The following NUPR1 variants were observed in gnomAD, a reference collection of about 807,000 sequenced individuals.
NUPR1 encodes the protein nuclear protein 1.
NUPR1 carries 8 observed loss-of-function variants against 7.3 expected under a neutral mutation model. The ratio of observed to expected loss-of-function variants is 1.09; its 90% CI spans 0.64 to 1.97. The LOEUF (loss-of-function observed/expected upper bound fraction) is 1.97. Ranked by LOEUF, NUPR1 falls within the 30% of genes most tolerant of loss-of-function variation. NUPR1 has a pLI of 0.00. For synonymous variants in NUPR1, 39 were observed against 44.5 expected (o/e 0.88, Z 0.49); for missense variants, 96 against 111.7 (o/e 0.86, Z 0.63).
chr16:28,537,938 A>T (rs2046635391), intron 2 of NUPR1, 68 bp downstream of exon 2: 1 of 1,332,272 alleles, frequency 7.5e-7, no homozygotes, highest in African/African-American at 1.5e-5. Flanking sequence ...ACCCAATCAC[A>T]CACCTTCCGG....
chr16:28,532,798 T>C lies in NUPR1; in HGVS notation c.*4885A>G, dbSNP rs1289045002. ...AAAAATCCAGGCTTTAAAATTCAGA[T>C]AGACCTGAGTTCATAATTCCAAGTC... On this transcript the variant is annotated 3_prime_UTR_variant, in exon 3 of 3. Coordinates refer to ENST00000324873, the MANE Select transcript of NUPR1 (RefSeq NM_012385.3). 2 of 152,176 alleles carry C rather than the reference T, an allele frequency of 1.3e-5. No individual in the cohort carries two copies. The highest frequency in any genetic ancestry group is 2.4e-5 in the African/African-American group (1 of 41,450). 9.4% of individuals were successfully genotyped at this position (152,176 alleles called of 1,614,324 possible).
Position 28,535,503 on chromosome 16 carries a change from T to TTTTCTTTCTTTCTTTTTCTTTC in NUPR1, c.*2179_*2180insGAAAGAAAAAGAAAGAAAGAAA, listed in dbSNP as rs2046604992. 1 of 98,470 alleles carries TTTTCTTTCTTTCTTTTTCTTTC rather than the reference T, an allele frequency of 1.0e-5. No individual in the cohort carries two copies. Among genetic ancestry groups the TTTTCTTTCTTTCTTTTTCTTTC allele is most frequent in the Non-Finnish European group, 2.0e-5 (1 of 50,460 alleles). 6.1% of individuals were successfully genotyped at this position (98,470 alleles called of 1,614,324 possible). ...TGAGCCACTGTGCCGGGGCTCGCTC[T>TTTTCTTTCTTTCTTTTTCTTTC]TTTCTTTCTTTCTTTCTTTCTTTCT... is the stretch of plus-strand genomic sequence containing the variant. On this transcript the variant is annotated 3_prime_UTR_variant, in exon 3 of 3. Transcript: ENST00000324873.
rs1300778453 is a variant in NUPR1 at position 28,536,714 on chromosome 16, G to A, written c.*969C>T. On this transcript the variant is annotated 3_prime_UTR_variant, in exon 3 of 3. Transcript: ENST00000324873. ...GTCTCCCTCTGTCACCCAGGCTGGA[G>A]TGCAATGGCACGATGTCGGCTCACT... The A allele has an allele frequency of 6.5e-6, 1 of 153,194 alleles. No homozygotes were observed. The highest frequency in any genetic ancestry group is 1.4e-5 in the Non-Finnish European group (1 of 68,984). The allele number at this position is 153,194 out of a possible 1,614,324, so 9.5% of individuals were successfully genotyped here.
intron 1 of NUPR1, 149 bp from the exon 2 acceptor site, chr16:28,538,304 G>C: frequency 3.6e-6 from 4 of 1,111,068 alleles, no homozygotes; most frequent in Non-Finnish European, 5.3e-6. Flanking sequence ...GACCCCAGAT[G>C]TGTGTGAGGT....
Position 28,535,591 on chromosome 16 carries a change from T to TCTTTCCTTC in NUPR1, c.*2091_*2092insGAAGGAAAG. ...TCCTTCCTTTCTTTCTTTCTTTCTTTCTTTCTTTCTTTCTTTCTTTCTTTC... is the reference window on the plus strand; with the variant it reads ...TCCTTCCTTTCTTTCTTTCTTTCTTTCTTTCCTTCCTTTCTTTCTTTCTTTCTTTCTTTC... On this transcript the variant is annotated 3_prime_UTR_variant, in exon 3 of 3. Transcript: ENST00000324873. 1 of 48,392 alleles carries TCTTTCCTTC rather than the reference T, an allele frequency of 2.1e-5. No individual in the cohort carries two copies. The highest frequency in any genetic ancestry group is 9.7e-5 in the African/African-American group (1 of 10,358). The allele number at this position is 48,392 out of a possible 1,614,324, so 3.0% of individuals were successfully genotyped here.
At chr16:28,538,308 G>C in intron 1 of NUPR1, 153 bp from the exon 2 acceptor site, 1 of 1,089,172 alleles carries the variant, frequency 9.2e-7, no homozygotes, top group Non-Finnish European at 1.3e-6. Flanking sequence ...CCAGATGTGT[G>C]TGAGGTCCCA....
Position 28,534,575 on chromosome 16 carries a change from T to C in NUPR1, c.*3108A>G, listed in dbSNP as rs2046599256. 1 of 152,224 alleles carries C rather than the reference T, an allele frequency of 6.6e-6. No homozygotes were observed. The highest frequency in any genetic ancestry group is 2.1e-4 in the South Asian group (1 of 4,834). The allele number at this position is 152,224 out of a possible 1,614,324, so 9.4% of individuals were successfully genotyped here. The stretch of plus-strand genomic sequence containing the variant: ...AATGTTTCTTGCTAGCTTCTTCGTG[T>C]ATTCACTCTCTCTGGTTCCCTTTCA... On this transcript the variant is annotated 3_prime_UTR_variant, in exon 3 of 3. Coordinates refer to ENST00000324873, the MANE Select transcript of NUPR1 (RefSeq NM_012385.3).
At position 28,534,299 on chromosome 16, in the gene NUPR1, C is replaced by T. The variant is rs2046598055; in HGVS notation, c.*3384G>A. The T allele has an allele frequency of 6.6e-6, 1 of 152,152 alleles. No individual in the cohort carries two copies. The highest frequency in any genetic ancestry group is 2.1e-4 in the South Asian group (1 of 4,836). The allele number at this position is 152,152 out of a possible 1,614,324, so 9.4% of individuals were successfully genotyped here. ...GATTCATTCTGTGGCTGTGATTAGG[C>T]TGGACTCAAGGGAAGGGGATGGATA... On this transcript the variant is annotated 3_prime_UTR_variant, in exon 3 of 3. Transcript: ENST00000324873.
In NUPR1 at chr16:28,535,069, T is replaced by A. The variant is rs571040567; in HGVS notation, c.*2614A>T. On this transcript the variant is annotated 3_prime_UTR_variant, in exon 3 of 3. Coordinates refer to ENST00000324873, the MANE Select transcript of NUPR1 (RefSeq NM_012385.3). ...ACACTTCCTGTTTGCCCCATATTTT[T>A]CTTCAACTCTGGTCCTGAGACATAG... 3.9e-5 allele frequency: 6 copies of A among 152,340 alleles called. No homozygotes were observed. Among genetic ancestry groups the A allele is most frequent in the Middle Eastern group, 3.4e-3 (1 of 294 alleles). The allele number at this position is 152,340 out of a possible 1,614,324, so 9.4% of individuals were successfully genotyped here.
In NUPR1 at chr16:28,535,303, TTC is replaced by T. The variant is rs750759643; in HGVS notation, c.*2378_*2379del. 2 of 151,868 alleles carry T rather than the reference TTC, an allele frequency of 1.3e-5. No individual in the cohort carries two copies. Among genetic ancestry groups the T allele is most frequent in the South Asian group, 4.2e-4 (2 of 4,800 alleles). 9.4% of individuals were successfully genotyped at this position (151,868 alleles called of 1,614,324 possible). ...CTTTCCTTCCTCTTTCTTTCCCTCCTTCTCTCTTTCTTTCTCTCTCTTTTTCT... is the reference window on the plus strand; with the variant it reads ...CTTTCCTTCCTCTTTCTTTCCCTCCTTCTCTTTCTTTCTCTCTCTTTTTCT... On this transcript the variant is annotated 3_prime_UTR_variant, in exon 3 of 3. Transcript: ENST00000324873.
Position 28,533,844 on chromosome 16 carries a change from C to G in NUPR1, c.*3839G>C, listed in dbSNP as rs924483942. On this transcript the variant is annotated 3_prime_UTR_variant, in exon 3 of 3. Transcript: ENST00000324873. ...AGACTTGCCCTGAGATAGAATTAGG[C>G]AACCTTTGCCGGGTGGTGTGGCTCA... 2 of 152,228 alleles carry G rather than the reference C, an allele frequency of 1.3e-5. No individual in the cohort carries two copies. The highest frequency in any genetic ancestry group is 2.9e-5 in the Non-Finnish European group (2 of 68,092). 9.4% of individuals were successfully genotyped at this position (152,228 alleles called of 1,614,324 possible).
At position 28,536,768 on chromosome 16, in the gene NUPR1, T is replaced by G. The variant is rs1359035561; in HGVS notation, c.*915A>C. 6.6e-6 allele frequency: 1 copy of G among 152,134 alleles called. No homozygotes were observed. Among genetic ancestry groups the G allele is most frequent in the East Asian group, 1.9e-4 (1 of 5,142 alleles). The allele number at this position is 152,134 out of a possible 1,614,324, so 9.4% of individuals were successfully genotyped here. A position where few individuals can be genotyped will look rare whatever the true frequency, so the allele number is the denominator to read the frequency against. On this transcript the variant is annotated 3_prime_UTR_variant, in exon 3 of 3. Transcript: ENST00000324873. ...ACCTCTACCTCCTGGGTTCAAGCGATTCTACTGCCTCAGCCTCCTGAGCAG... is the reference window on the plus strand; with the variant it reads ...ACCTCTACCTCCTGGGTTCAAGCGAGTCTACTGCCTCAGCCTCCTGAGCAG...
rs1216241603 is a variant in NUPR1 at position 28,538,084 on chromosome 16, G to A, written c.184C>T (p.His62Tyr). The A allele has an allele frequency of 8.7e-6, 14 of 1,614,132 alleles. No individual in the cohort carries two copies. The highest frequency in any genetic ancestry group is 1.2e-5 in the Non-Finnish European group (14 of 1,180,030). ...AGCTTGGTCACCAGTTTCCTCTCGT[G>A]CCCGCCAGGGCTGGGGCGGTTGGTG... ...ANTNRPSPGG[H>Y]ERKLVTKLQN... Residue 62 changes from histidine (H) to tyrosine (Y), a missense_variant, in exon 2 of 3, where the codon CAC (histidine) becomes TAC (tyrosine). Coordinates refer to ENST00000324873, the MANE Select transcript of NUPR1 (RefSeq NM_012385.3).
In NUPR1 at chr16:28,535,579, T is replaced by TCCTTCCTTC. The variant is rs1491423157; in HGVS notation, c.*2103_*2104insGAAGGAAGG. 21 of 39,194 alleles carry TCCTTCCTTC rather than the reference T, an allele frequency of 5.4e-4. No individual in the cohort carries two copies. The highest frequency in any genetic ancestry group is 2.7e-3 in the African/African-American group (20 of 7,502). 2.4% of individuals were successfully genotyped at this position (39,194 alleles called of 1,614,324 possible). The stretch of plus-strand genomic sequence containing the variant: ...TCTTTCTTTCCTTCCTTCCTTTCTT[T>TCCTTCCTTC]CTTTCTTTCTTTCTTTCTTTCTTTC... On this transcript the variant is annotated 3_prime_UTR_variant, in exon 3 of 3. Transcript: ENST00000324873.
Position 28,537,470 on chromosome 16 carries a change from A to G in NUPR1, c.*213T>C, listed in dbSNP as rs540513766. 1 of 152,406 alleles carries G rather than the reference A, an allele frequency of 6.6e-6. No homozygotes were observed. Among genetic ancestry groups the G allele is most frequent in the South Asian group, 2.1e-4 (1 of 4,826 alleles). The allele number at this position is 152,406 out of a possible 1,614,324, so 9.4% of individuals were successfully genotyped here. On this transcript the variant is annotated 3_prime_UTR_variant, in exon 3 of 3. Coordinates refer to ENST00000324873, the MANE Select transcript of NUPR1 (RefSeq NM_012385.3). ...GGGATCTTCCTGGCTCTGCCCCTCC[A>G]TTCCCAGCCTCTCACTCCCCATCTT...
In NUPR1 at chr16:28,538,144, G is replaced by A. The variant is rs139318955; in HGVS notation, c.124C>T (p.Arg42Trp). 43 of 1,614,072 alleles carry A rather than the reference G, an allele frequency of 2.7e-5. No individual in the cohort carries two copies. The highest frequency in any genetic ancestry group is 1.6e-4 in the Middle Eastern group (1 of 6,084). ...LAHSYLGGGG[R>W]KGRTKREAAA... is the part of the protein sequence containing the mutation. ...GCTTCTCTCTTGGTGCGACCTTTCCGGCCTCCACCTCCTGTAACCAAGGCA... is the reference window on the plus strand; with the variant it reads ...GCTTCTCTCTTGGTGCGACCTTTCCAGCCTCCACCTCCTGTAACCAAGGCA... Residue 42 changes from arginine (R) to tryptophan (W), a missense_variant, in exon 2 of 3, where the codon CGG (arginine) becomes TGG (tryptophan). By Grantham distance (101) the Arg-to-Trp change is moderately radical. Transcript: ENST00000324873.
chr16:28,538,709 A>C, intron 1 of NUPR1, 87 bp downstream of exon 1: 1 of 1,048,728 alleles, frequency 9.5e-7, no homozygotes, highest in East Asian at 2.4e-5. Flanking sequence ...CGAAGAGGAA[A>C]GGAAAGGAAA....
rs1359794297 is a variant in NUPR1, at chr16:28,535,567, C to CTTTT, written c.*2115_*2116insAAAA. 0.013 allele frequency: 844 copies of CTTTT among 67,372 alleles called. 19 individuals are homozygous for CTTTT. Among genetic ancestry groups the CTTTT allele is most frequent in the Non-Finnish European group, 0.018 (634 of 34,728 alleles). The allele number at this position is 67,372 out of a possible 1,614,324, so 4.2% of individuals were successfully genotyped here. On this transcript the variant is annotated 3_prime_UTR_variant, in exon 3 of 3. Coordinates refer to ENST00000324873, the MANE Select transcript of NUPR1 (RefSeq NM_012385.3). ...TCCTTCTTTCTTTCTTTCTTTCCTT[C>CTTTT]CTTCCTTTCTTTCTTTCTTTCTTTC...
rs760999373 is a variant in NUPR1, at chr16:28,538,858, G to A, written c.50C>T (p.Pro17Leu). The A allele has an allele frequency of 2.5e-5, 40 of 1,613,250 alleles. No individual in the cohort carries two copies. The highest frequency in any genetic ancestry group is 1.9e-4 in the South Asian group (17 of 91,048). The change falls in exon 1 of 3, where the codon CCG becomes CTG. Residue 17 changes from proline (P) to leucine (L), a missense_variant. By Grantham distance (98) the Pro-to-Leu change is moderately conservative. Transcript: ENST00000324873. ...ATCCAGGCTGGAGTCCTCGTCCTCC[G>A]GGCCTGGGGGCTGCTGGGGGGCGCT... is the stretch of plus-strand genomic sequence containing the variant. Reference protein sequence around the residue: ...ATSAPQQPPGPEDEDSSLDES... With the variant: ...ATSAPQQPPGLEDEDSSLDES...
Sources: allele counts gnomAD v4.1 joint callset, GRCh38; gene constraint gnomAD v4.1.1; transcripts MANE v1.5; gene names NCBI Gene and HGNC (gene_info 2026-07-23, HGNC 2026-07-21).